The following AUTS2 variants were observed in gnomAD, a reference collection of about 807,000 sequenced individuals.
AUTS2 encodes autism susceptibility gene 2 protein.
In AUTS2, 17 loss-of-function variants were observed where a neutral mutation model predicts 112.4. The ratio of observed to expected loss-of-function variants is 0.15; its 90% confidence interval spans 0.10 to 0.23. The LOEUF (loss-of-function observed/expected upper bound fraction) is 0.23, where lower values mean the gene tolerates loss of function less well. AUTS2 is among the 10% of genes least tolerant of loss of function. The pLI is 1.00. For missense variants in AUTS2, 1,510 were observed against 1,701.6 expected, an observed-to-expected ratio of 0.89 and a Z score of 1.98; for synonymous variants, 751 against 702.7, an observed-to-expected ratio of 1.07 and a Z score of -1.09.
chr7:70,523,165 G>C lies in AUTS2; in HGVS notation c.690+87384G>C, dbSNP rs1291060076. On this transcript the variant is annotated intron_variant, in intron 5 of 18. Transcript: ENST00000342771. ...GCACCTTTTTGATAATAGCAAAGCA[G>C]CATGGCATTAAAATACAATCCGGTG... Among the ~76,000 whole-genome samples the C allele has an allele frequency of 2.6e-5, 4 of 152,214 alleles. No individual in the cohort carries two copies. The South Asian group carries it at 8.3e-4, about 32-fold the overall frequency.
rs144644069 is a variant in AUTS2, at chr7:70,649,056, A to G, written c.691-49513A>G. Reference sequence around the variant, plus strand: ...CCTATTGACCTAAGTCTCTGATTATATATGTCAACCTCAGCTTACGGAAAG... The same window carrying G: ...CCTATTGACCTAAGTCTCTGATTATGTATGTCAACCTCAGCTTACGGAAAG... On this transcript the variant is annotated intron_variant, in intron 5 of 18. Coordinates refer to ENST00000342771, the MANE Select transcript of AUTS2 (RefSeq NM_015570.4). Among the ~76,000 whole-genome samples the G allele has an allele frequency of 3.5e-3, 536 of 152,350 alleles. 2 individuals are homozygous for G. Among genetic ancestry groups the G allele is most frequent in the Middle Eastern group, 0.014 (4 of 294 alleles).
intron 1 of AUTS2, among the ~76,000 whole-genome samples, chr7:69,782,839 GA>G (rs769924500): frequency 6.6e-6 from 1 of 152,088 alleles, no homozygotes; most frequent in Non-Finnish European, 1.5e-5. Context: ...CCCCTTTTTG[GA>G]AAGGCTTTGT....
At chr7:70,187,923 C>T (rs1186133341) in intron 4 of AUTS2, among the ~76,000 whole-genome samples, 2 of 152,032 alleles carry the variant, frequency 1.3e-5, no homozygotes, top group African/African-American at 2.4e-5. Context: ...CAATCGTTGC[C>T]TCTGCCAGAA....
At chr7:70,347,255 T>C (rs1791537833) in intron 4 of AUTS2, among the ~76,000 whole-genome samples, 1 of 152,220 alleles carries the variant, frequency 6.6e-6, no homozygotes, top group Non-Finnish European at 1.5e-5. Context: ...TTCTGCTCAA[T>C]TCTAGGTTTG....
chr7:70,667,151 C>T (rs981238935), intron 5 of AUTS2, among the ~76,000 whole-genome samples: 3 of 152,146 alleles, frequency 2.0e-5, no homozygotes, highest in Non-Finnish European at 4.4e-5. Context: ...GAAGACTACA[C>T]TTGGCATAAA....
intron 4 of AUTS2, among the ~76,000 whole-genome samples, chr7:70,257,647 G>A (rs780300842): frequency 6.8e-5 from 10 of 147,286 alleles, no homozygotes; most frequent in Non-Finnish European, 8.9e-5. Context: ...TTGTAGAGAC[G>A]GGGCCTCACT....
At chr7:70,471,034 C>T (rs549976283) in intron 5 of AUTS2, among the ~76,000 whole-genome samples, 2 of 152,270 alleles carry the variant, frequency 1.3e-5, no homozygotes, top group African/African-American at 4.8e-5. Flanking sequence ...CCAAGCGAGC[C>T]GGGCTCTTCC....
chr7:69,881,601 A>G (rs1374604901), intron 1 of AUTS2, among the ~76,000 whole-genome samples: 1 of 152,192 alleles, frequency 6.6e-6, no homozygotes, highest in Non-Finnish European at 1.5e-5. Flanking sequence ...AGCAGTTAAC[A>G]TGATGGTCCT....
At position 70,790,263 on chromosome 7, in the gene AUTS2, C is replaced by T. The variant is rs763979959; in HGVS notation, c.3047C>T (p.Pro1016Leu). The change falls in exon 19 of 19, where the codon CCG becomes CTG. Residue 1016 changes from proline to leucine, a missense_variant. Around this residue, in one of 3 missense-constraint regions of AUTS2, gnomAD observed 788 missense variants for 797.6 expected, o/e 0.99. Transcript: ENST00000342771. This position sits in a 1 kb window ranked among gnomAD's most constrained non-coding sequence, Gnocchi z 7.6. Reference protein sequence around the residue: ...PPPNSSSSVHPGPLASMPMTV... With the variant: ...PPPNSSSSVHLGPLASMPMTV... ...CCCAACTCCTCGTCCAGCGTGCACC[C>T]GGGGCCCCTGGCCTCGATGCCCATG... 3.1e-6 allele frequency: 5 copies of T among 1,613,030 alleles called. No homozygotes were observed. The highest frequency in any genetic ancestry group is 1.7e-5 in the Admixed American group (1 of 59,998).
chr7:69,693,432 T>C (rs1291400303), intron 1 of AUTS2, among the ~76,000 whole-genome samples: 1 of 152,252 alleles, frequency 6.6e-6, no homozygotes, highest in East Asian at 1.9e-4. Flanking sequence ...TTTTTTCTCT[T>C]GGCCATATGG....
In AUTS2 at chr7:70,750,217, T is replaced by C. The variant is rs115643927; in HGVS notation, c.743-12653T>C. On this transcript the variant is annotated intron_variant, in intron 6 of 18. Coordinates refer to ENST00000342771, the MANE Select transcript of AUTS2 (RefSeq NM_015570.4). ...CTGATGAGAGGGTAATCTGGAGGAATAGGAAGTGGGCACAGGGATAGTGCA... is the reference window on the plus strand; with the variant it reads ...CTGATGAGAGGGTAATCTGGAGGAACAGGAAGTGGGCACAGGGATAGTGCA... Among the ~76,000 whole-genome samples the C allele has an allele frequency of 8.7e-3, 1,331 of 152,132 alleles. 15 individuals carry two copies. The highest frequency in any genetic ancestry group is 0.031 in the African/African-American group (1,272 of 41,502).
intron 2 of AUTS2, among the ~76,000 whole-genome samples, chr7:69,993,111 C>T (rs1177874928): frequency 6.6e-6 from 1 of 152,194 alleles, no homozygotes; most frequent in African/African-American, 2.4e-5. Context: ...ACTACTTCCT[C>T]TATGGGCTTC....
intron 5 of AUTS2, among the ~76,000 whole-genome samples, chr7:70,451,389 C>T (rs1159912006): frequency 6.6e-6 from 1 of 152,038 alleles, no homozygotes; most frequent in Non-Finnish European, 1.5e-5. Flanking sequence ...ATTTTTTAAA[C>T]TACAAAATAA....
chr7:69,631,157 G>A (rs1275328207), intron 1 of AUTS2, among the ~76,000 whole-genome samples: 1 of 151,936 alleles, frequency 6.6e-6, no homozygotes, highest in Non-Finnish European at 1.5e-5. Flanking sequence ...GCCAGGAGCA[G>A]AAGATTTTGT....
chr7:70,630,175 T>C (rs762936302), intron 5 of AUTS2, among the ~76,000 whole-genome samples: 13 of 152,186 alleles, frequency 8.5e-5, no homozygotes, highest in Non-Finnish European at 1.8e-4. Context: ...TATTGCAGTG[T>C]GCTTTCTGGG....
intron 2 of AUTS2, among the ~76,000 whole-genome samples, chr7:70,096,749 C>T (rs775457812): frequency 3.3e-5 from 5 of 151,860 alleles, no homozygotes; most frequent in African/African-American, 7.3e-5. Flanking sequence ...CTTAAACCTC[C>T]GAAAATTCAG....
At chr7:70,184,249 A>G (rs545660703) in intron 4 of AUTS2, among the ~76,000 whole-genome samples, 1 of 152,272 alleles carries the variant, frequency 6.6e-6, no homozygotes, top group South Asian at 2.1e-4. Context: ...TGGTTATATA[A>G]CTCTAAAAAG....
At chr7:69,670,961 G>T (rs955039680) in intron 1 of AUTS2, among the ~76,000 whole-genome samples, 1 of 152,164 alleles carries the variant, frequency 6.6e-6, no homozygotes, top group African/African-American at 2.4e-5. Context: ...AAAACCTGTT[G>T]GCCCAGAAAC....
intron 1 of AUTS2, among the ~76,000 whole-genome samples, chr7:69,786,780 A>G (rs887088219): frequency 6.6e-6 from 1 of 152,208 alleles, no homozygotes; most frequent in Non-Finnish European, 1.5e-5. Flanking sequence ...TAAACTGCAT[A>G]TCTTAATCCA....
Sources: allele counts gnomAD v4.1 joint callset (sites outside exome capture counted in the v4.1 genomes callset), GRCh38; gene constraint gnomAD v4.1.1; regional missense constraint gnomAD v4.1.1; non-coding constraint Gnocchi (gnomAD v3.1); transcripts MANE v1.5; gene names NCBI Gene and HGNC (gene_info 2026-07-23, HGNC 2026-07-21).